Variants in GSK3A observed in about 807,000 individuals in gnomAD.
The protein encoded by GSK3A is glycogen synthase kinase 3 alpha.
In GSK3A, 14 loss-of-function variants were observed where a neutral mutation model predicts 56.6. The ratio of observed to expected loss-of-function variants is 0.25; its 90% CI spans 0.16 to 0.39. The LOEUF is 0.39. Among genes scored for constraint, GSK3A ranks in the 10% least tolerant of loss-of-function variants. The pLI is 1.00. For synonymous variants in GSK3A, 301 were observed against 285.0 expected (o/e 1.06, Z -0.56); for missense variants, 450 against 656.0 (o/e 0.69, Z 3.43).
Position 42,232,536 on chromosome 19 carries a change from G to C in GSK3A, c.1245C>G (p.Asn415Lys), listed in dbSNP as rs1252547692. The C allele has an allele frequency of 1.2e-6, 2 of 1,614,164 alleles. No homozygotes were observed. Among genetic ancestry groups the C allele is most frequent in the East Asian group, 4.5e-5 (2 of 44,886 alleles). ...ELRCLGTQLP[N>K]NRPLPPLFNF... ...TGAAGAGAGGGGGAAGTGGGCGGTTGTTAGGCAGCTGGGTTCCCAGACATC... is the reference window on the plus strand; with the variant it reads ...TGAAGAGAGGGGGAAGTGGGCGGTTCTTAGGCAGCTGGGTTCCCAGACATC... The change falls in exon 9 of 11, where the codon AAC becomes AAG. Residue 415 changes from asparagine to lysine, a missense_variant. Asn to Lys is a moderately conservative substitution (Grantham distance 94, BLOSUM62 0). Coordinates refer to ENST00000222330, the MANE Select transcript of GSK3A (RefSeq NM_019884.3).
At chr19:42,237,410 G>C (rs1478024989) in intron 2 of GSK3A, among the ~76,000 whole-genome samples, 1 of 151,526 alleles carries the variant, frequency 6.6e-6, no homozygotes, top group Non-Finnish European at 1.5e-5. Flanking sequence ...ACCTGCCTCA[G>C]CCTCCCTGAC....
Position 42,242,486 on chromosome 19 carries a change from G to GCT in GSK3A, c.-23_-22dup, listed in dbSNP as rs1414907920. The GCT allele has an allele frequency of 8.7e-7, 1 of 1,143,810 alleles. No individual in the cohort carries two copies. Among genetic ancestry groups the GCT allele is most frequent in the Non-Finnish European group, 1.1e-6 (1 of 935,088 alleles). The allele number at this position is 1,143,810 out of a possible 1,614,324, so 70.9% of individuals were successfully genotyped here. A position where few individuals can be genotyped will look rare whatever the true frequency, so the allele number is the denominator to read the frequency against. Reference sequence around the variant, plus strand: ...CTCATGGCGCCGAGCACAGGCCCAGGCTGCGGGGCTCGGGCTGCCCGGGCT... The same window carrying GCT: ...CTCATGGCGCCGAGCACAGGCCCAGGCTCTGCGGGGCTCGGGCTGCCCGGGCT... On this transcript the variant is annotated 5_prime_UTR_variant, in exon 1 of 11. Coordinates refer to ENST00000222330, the MANE Select transcript of GSK3A (RefSeq NM_019884.3).
At chr19:42,233,262 G>GGGCCC in intron 7 of GSK3A, 24 bp downstream of exon 7, 3 of 1,077,522 alleles carry the variant, frequency 2.8e-6, no homozygotes, top group Non-Finnish European at 4.1e-6. Context: ...CCCACCCCCT[G>GGGCCC]CCCAGCCCAG....
chr19:42,238,514 G>A lies in GSK3A; in HGVS notation c.471+1441C>T, dbSNP rs925778873. On this transcript the variant is annotated intron_variant, in intron 2 of 10. Transcript: ENST00000222330. Reference sequence around the variant, plus strand: ...CCCAGCTACTAGGGAGGCTGAGGCAGAAGAATCGCTTGAACCCGGCAGGCG... The same window carrying A: ...CCCAGCTACTAGGGAGGCTGAGGCAAAAGAATCGCTTGAACCCGGCAGGCG... 2.1e-5 allele frequency among the ~76,000 whole-genome samples: 3 copies of A among 144,486 alleles called. No individual in the cohort carries two copies. The Admixed American group carries it at 2.2e-4, about 11-fold the overall frequency. The allele number at this position is 144,486 out of a possible 152,430, so 94.8% of individuals were successfully genotyped here.
chr19:42,232,237 C>T, intron 9 of GSK3A, 88 bp from the exon 10 acceptor site: 1 of 859,604 alleles, frequency 1.2e-6, no homozygotes, highest in Non-Finnish European at 1.9e-6. Context: ...TTGGGAAGGC[C>T]AGTTGTTTGT....
chr19:42,236,802 G>C (rs1363680481), intron 3 of GSK3A, 56 bp downstream of exon 3: 1 of 1,474,930 alleles, frequency 6.8e-7, no homozygotes, highest in Admixed American at 1.7e-5. Flanking sequence ...TGGGGGAAAG[G>C]CAGGCAGGCA....
At chr19:42,232,773 T>G in intron 8 of GSK3A, 91 bp from the exon 9 acceptor site, 3 of 1,100,678 alleles carry the variant, frequency 2.7e-6, no homozygotes, top group Non-Finnish European at 3.9e-6. Flanking sequence ...TGCGGCAAGT[T>G]ATGACTGGTT....
rs898903917 is a variant in GSK3A at position 42,232,349 on chromosome 19, G to T, written c.1285+147C>A. 3 of 762,492 alleles carry T rather than the reference G, an allele frequency of 3.9e-6. No homozygotes were observed. The African/African-American group carries it at 5.3e-5, about 13-fold the overall frequency. The allele number at this position is 762,492 out of a possible 1,614,324, so 47.2% of individuals were successfully genotyped here. A position where few individuals can be genotyped will look rare whatever the true frequency, so the allele number is the denominator to read the frequency against. On this transcript the variant is annotated intron_variant, in intron 9 of 10. Transcript: ENST00000222330. ...AACTGAAGCAGGTTCGATTCCCCCTGAATCTGGGAGTCATCTTTCCTGAGC... is the reference window on the plus strand; with the variant it reads ...AACTGAAGCAGGTTCGATTCCCCCTTAATCTGGGAGTCATCTTTCCTGAGC...
Position 42,233,307 on chromosome 19 carries a change from G to C in GSK3A, c.981C>G (p.Asp327Glu), listed in dbSNP as rs376641475. The change falls in exon 7 of 11, where the codon GAC becomes GAG. Residue 327 changes from aspartate (D) to glutamate (E), a missense_variant. Transcript: ENST00000222330. ...TCACCTTGATGATCTCCACCAGCTG[G>C]TCCACCCCACTGTCCCCAGGGAAGA... The part of the protein sequence containing the change: ...QPIFPGDSGV[D>E]QLVEIIKVLG... 6.3e-7 allele frequency: 1 copy of C among 1,587,938 alleles called. No homozygotes were observed. Among genetic ancestry groups the C allele is most frequent in the African/African-American group, 1.3e-5 (1 of 74,260 alleles).
intron 1 of GSK3A, 35 bp downstream of exon 1, chr19:42,242,148 A>C (rs2036296395): frequency 7.6e-7 from 1 of 1,321,658 alleles, no homozygotes; most frequent in South Asian, 2.1e-5. Flanking sequence ...TGGGAACCCT[A>C]ATCACCACCC....
intron 6 of GSK3A, among the ~76,000 whole-genome samples, chr19:42,233,862 T>A (rs528681888): frequency 2.0e-5 from 3 of 152,254 alleles, no homozygotes; most frequent in African/African-American, 7.2e-5. Context: ...CCACAGTTCG[T>A]CATGCTGCTG....
chr19:42,232,429 G>C, intron 9 of GSK3A, 67 bp downstream of exon 9: 1 of 1,444,988 alleles, frequency 6.9e-7, no homozygotes, highest in Non-Finnish European at 9.6e-7. Flanking sequence ...TCAACACCAA[G>C]CTCCTCACAA....
intron 6 of GSK3A, among the ~76,000 whole-genome samples, 164 bp from the exon 7 acceptor site, chr19:42,233,547 T>C (rs2036238412): frequency 6.6e-6 from 1 of 152,172 alleles, no homozygotes. Flanking sequence ...GGGCCCGACC[T>C]TGACCCTGCC....
In GSK3A at chr19:42,232,117, G is replaced by A; in HGVS notation, c.1318C>T (p.Leu440Phe). The A allele has an allele frequency of 6.2e-7, 1 of 1,608,270 alleles. No homozygotes were observed. The highest frequency in any genetic ancestry group is 8.5e-7 in the Non-Finnish European group (1 of 1,175,402). Reference sequence around the variant, plus strand: ...GGGGACCTCAAGTGAGGAGGGATGAGAATGGCGTTGAGAGACGGTTGGATG... The same window carrying A: ...GGGGACCTCAAGTGAGGAGGGATGAAAATGGCGTTGAGAGACGGTTGGATG... Reference protein sequence around the residue: ...LSIQPSLNAILIPPHLRSPAG... With the variant: ...LSIQPSLNAIFIPPHLRSPAG... Residue 440 changes from leucine to phenylalanine, a missense_variant, in exon 10 of 11, where the codon CTC (leucine) becomes TTC (phenylalanine). Physicochemically the swap from Leu to Phe is conservative, Grantham distance 22. Around this residue, in one of 3 missense-constraint regions of GSK3A, gnomAD observed 113 missense variants for 147.5 expected, o/e 0.77. Transcript: ENST00000222330.
At position 42,236,859 on chromosome 19, in the gene GSK3A, T is replaced by A; in HGVS notation, c.554A>T (p.Lys185Met). ...LRYFFYSSGE[K>M]KDELYLNLVL... ...ACCACCACCACCTCGAGATCTCACC[T>A]TCTCGCCACTGGAGTAGAAAAAGTA... is the stretch of plus-strand genomic sequence containing the variant. Residue 185 changes from lysine (K) to methionine (M), a missense_variant and splice_region_variant, in exon 3 of 11, where the codon AAG (lysine) becomes ATG (methionine). Lys to Met is a moderately conservative substitution (Grantham distance 95, BLOSUM62 -1). Around this residue, in one of 3 missense-constraint regions of GSK3A, gnomAD observed 144 missense variants for 308.0 expected, o/e 0.47. Transcript: ENST00000222330. 6.2e-7 allele frequency: 1 copy of A among 1,608,160 alleles called. No homozygotes were observed. The highest frequency in any genetic ancestry group is 1.7e-5 in the Admixed American group (1 of 60,008).
chr19:42,240,592 C>T (rs892898574), intron 1 of GSK3A: 10 of 240,448 alleles, frequency 4.2e-5, no homozygotes, highest in African/African-American at 1.1e-4. Flanking sequence ...AAAGCACTAA[C>T]CTCTCTCACA....
chr19:42,239,066 G>A (rs749899607), intron 2 of GSK3A, among the ~76,000 whole-genome samples: 4 of 152,090 alleles, frequency 2.6e-5, no homozygotes, highest in Non-Finnish European at 5.9e-5. Flanking sequence ...CTCTGGTCCC[G>A]TGGAAGCATC....
At chr19:42,240,401 A>C in intron 1 of GSK3A, 2 of 577,292 alleles carry the variant, frequency 3.5e-6, no homozygotes, top group Admixed American at 3.0e-5. Flanking sequence ...AGGGTTGGCA[A>C]CCCCAAATTT....
chr19:42,231,888 A>G (rs1325257603), intron 10 of GSK3A, among the ~76,000 whole-genome samples, 169 bp downstream of exon 10: 2 of 152,192 alleles, frequency 1.3e-5, no homozygotes, highest in Non-Finnish European at 2.9e-5. Flanking sequence ...ATTTGTACGC[A>G]AGAATACCCT....
Sources: gnomAD v4.1 joint callset for allele counts (sites outside exome capture counted in the v4.1 genomes callset) on GRCh38, gnomAD v4.1.1 for gene constraint, gnomAD v4.1.1 regional missense constraint, MANE v1.5 for transcripts, NCBI Gene and HGNC (gene_info 2026-07-23, HGNC 2026-07-21) for gene names.